CRTAM: variants seen among roughly 807,000 people sequenced by gnomAD.
CRTAM encodes cytotoxic and regulatory T cell molecule.
CRTAM carries 44 observed loss-of-function variants against 50.0 expected under a neutral mutation model. That is an observed-to-expected ratio of 0.88 (90% CI 0.69 to 1.13). CRTAM has a LOEUF of 1.13. CRTAM is among the 50% of genes most tolerant of loss of function. CRTAM has a pLI of 0.00. For synonymous variants in CRTAM, 159 were observed against 169.3 expected, an observed-to-expected ratio of 0.94 and a Z score of 0.47; for missense variants, 448 against 457.5, an observed-to-expected ratio of 0.98 and a Z score of 0.19.
Position 122,867,560 on chromosome 11 carries a change from G to A in CRTAM, c.964+5G>A. 6.2e-7 allele frequency: 1 copy of A among 1,611,748 alleles called. No individual in the cohort carries two copies. On this transcript the variant is annotated splice_donor_5th_base_variant and intron_variant, in intron 8 of 9. Transcript: ENST00000227348. Reference sequence around the variant, plus strand: ...CACATGTGATATGGAAGAAAGGTCAGTGGGCAGGGAACCTGACGGGGGCTA... The same window carrying A: ...CACATGTGATATGGAAGAAAGGTCAATGGGCAGGGAACCTGACGGGGGCTA...
At chr11:122,855,903 AT>A in intron 5 of CRTAM, 47 bp downstream of exon 5, 1 of 1,488,572 alleles carries the variant, frequency 6.7e-7, no homozygotes, top group Non-Finnish European at 9.3e-7. Context: ...ATTTACTTTA[AT>A]ATTACACTAT....
intron 5 of CRTAM, among the ~76,000 whole-genome samples, chr11:122,857,732 C>T (rs1443771304): frequency 1.3e-5 from 2 of 152,132 alleles, no homozygotes; most frequent in Non-Finnish European, 2.9e-5. Flanking sequence ...GGTTCTGACC[C>T]CTTTCATTCC....
intron 7 of CRTAM, among the ~76,000 whole-genome samples, chr11:122,866,159 A>G (rs1311357993): frequency 1.3e-5 from 2 of 152,158 alleles, no homozygotes; most frequent in African/African-American, 4.8e-5. Context: ...TCATATCTAC[A>G]AAGTCCTTAT....
intron 5 of CRTAM, 130 bp from the exon 6 acceptor site, chr11:122,862,334 G>A: frequency 4.4e-6 from 3 of 678,152 alleles, no homozygotes; most frequent in Non-Finnish European, 5.4e-6. Flanking sequence ...AGAACACACA[G>A]TTCTGGGGTT....
In CRTAM at chr11:122,851,266, TAA is replaced by T. The variant is rs11287824; in HGVS notation, c.194-411_194-410del. Among the ~76,000 whole-genome samples the T allele has an allele frequency of 6.3e-3, 871 of 138,592 alleles. 2 individuals are homozygous for T. The highest frequency in any genetic ancestry group is 0.012 in the African/African-American group (431 of 37,294). 90.9% of individuals were successfully genotyped at this position (138,592 alleles called of 152,430 possible). On this transcript the variant is annotated intron_variant, in intron 2 of 9. Coordinates refer to ENST00000227348, the MANE Select transcript of CRTAM (RefSeq NM_019604.4). ...GGGCAACAGAGCAAGACTCTGTCTCTAAAAAAAAAAAAAAAAAGTTATGCTTT... is the reference window on the plus strand; with the variant it reads ...GGGCAACAGAGCAAGACTCTGTCTCTAAAAAAAAAAAAAAAGTTATGCTTT...
At chr11:122,850,024 TG>T in intron 1 of CRTAM, 43 bp from the exon 2 acceptor site, 1 of 1,505,332 alleles carries the variant, frequency 6.6e-7, no homozygotes, top group Non-Finnish European at 8.9e-7. Context: ...CCTGAGACAC[TG>T]TGGACCCCCG....
chr11:122,870,856 A>C (rs553293304), intron 9 of CRTAM, among the ~76,000 whole-genome samples: 2 of 152,234 alleles, frequency 1.3e-5, no homozygotes, highest in East Asian at 1.9e-4. Context: ...AGGCGGGTGG[A>C]TCACTTGAGC....
chr11:122,843,758 A>G, intron 1 of CRTAM, among the ~76,000 whole-genome samples: 1 of 152,240 alleles, frequency 6.6e-6, no homozygotes, highest in East Asian at 1.9e-4. Context: ...AGTGGCAATG[A>G]GAAGACCCTG....
chr11:122,861,404 ATATATATATATATATATTTTTTTT>A (rs1862075067), intron 5 of CRTAM, among the ~76,000 whole-genome samples: 10 of 16,272 alleles, frequency 6.1e-4, no homozygotes, highest in Middle Eastern at 0.012. Flanking sequence ...ATATATATAT[ATATATATATATATATATTTTTTTT>A]TTTTTTTTTT....
intron 2 of CRTAM, 63 bp downstream of exon 2, chr11:122,850,277 A>T (rs2135235902): frequency 6.7e-7 from 1 of 1,489,242 alleles, no homozygotes; most frequent in Non-Finnish European, 9.1e-7. Flanking sequence ...TTCCAGCCGG[A>T]CAGTTTGGTG....
At chr11:122,850,688 C>G (rs1861919193) in intron 2 of CRTAM, among the ~76,000 whole-genome samples, 1 of 152,106 alleles carries the variant, frequency 6.6e-6, no homozygotes, top group Admixed American at 6.6e-5. Context: ...TTGGTCTTAA[C>G]ATAAAATCAA....
intron 6 of CRTAM, among the ~76,000 whole-genome samples, chr11:122,863,043 T>C (rs777261617): frequency 6.6e-6 from 1 of 152,176 alleles, no homozygotes; most frequent in Non-Finnish European, 1.5e-5. Flanking sequence ...ATAACTCAGG[T>C]CATTTTTGAT....
At chr11:122,842,946 C>G (rs1861817274) in intron 1 of CRTAM, among the ~76,000 whole-genome samples, 1 of 152,126 alleles carries the variant, frequency 6.6e-6, no homozygotes, top group East Asian at 1.9e-4. Flanking sequence ...GACAGGCTTG[C>G]TCTGCTCTGG....
intron 4 of CRTAM, among the ~76,000 whole-genome samples, chr11:122,854,941 T>G (rs1358737925): frequency 6.6e-6 from 1 of 152,150 alleles, no homozygotes; most frequent in African/African-American, 2.4e-5. Flanking sequence ...ACCTTTGATA[T>G]CTATGTAATC....
At position 122,854,018 on chromosome 11, in the gene CRTAM, G is replaced by C. The variant is rs373540538; in HGVS notation, c.422G>C (p.Cys141Ser). 9.9e-6 allele frequency: 16 copies of C among 1,613,884 alleles called. No individual in the cohort carries two copies. The African/African-American group carries it at 2.0e-4, about 20-fold the overall frequency. Residue 141 changes from cysteine (C) to serine (S), a missense_variant, in exon 4 of 10, where the codon TGC becomes TCC. By Grantham distance (112) the Cys-to-Ser change is moderately radical (BLOSUM62 -1). Coordinates refer to ENST00000227348, the MANE Select transcript of CRTAM (RefSeq NM_019604.4). ...QNGEEHVVLM[C>S]STMRSKPPPQ... is the part of the protein sequence containing the mutation. Reference sequence around the variant, plus strand: ...GGAGAAGAACATGTTGTACTCATGTGCTCCACCATGAGAAGCAAGCCCCCT... The same window carrying C: ...GGAGAAGAACATGTTGTACTCATGTCCTCCACCATGAGAAGCAAGCCCCCT...
chr11:122,871,160 T>C (rs1005609123), intron 9 of CRTAM, 109 bp from the exon 10 acceptor site: 28 of 1,038,304 alleles, frequency 2.7e-5, no homozygotes, highest in Non-Finnish European at 3.8e-5. Flanking sequence ...TAGGTTTTTA[T>C]AAAGCAATAT....
intron 9 of CRTAM, among the ~76,000 whole-genome samples, chr11:122,868,842 A>G (rs572610363): frequency 2.6e-5 from 4 of 152,202 alleles, no homozygotes; most frequent in Admixed American, 2.6e-4. Context: ...CCCTGTCTCT[A>G]CTAAAAATAC....
intron 9 of CRTAM, among the ~76,000 whole-genome samples, chr11:122,868,449 G>T (rs1487288509): frequency 6.6e-6 from 1 of 151,718 alleles, no homozygotes; most frequent in Non-Finnish European, 1.5e-5. Context: ...AGAGGAGGGA[G>T]TGTATTCCAG....
intron 1 of CRTAM, among the ~76,000 whole-genome samples, chr11:122,840,436 T>G (rs1861785132): frequency 6.6e-6 from 1 of 152,168 alleles, no homozygotes; most frequent in Non-Finnish European, 1.5e-5. Flanking sequence ...TGTGTGTGTG[T>G]GTGTACTAGT....
Sources: allele counts gnomAD v4.1 joint callset (sites outside exome capture counted in the v4.1 genomes callset), GRCh38; gene constraint gnomAD v4.1.1; transcripts MANE v1.5; gene names NCBI Gene and HGNC (gene_info 2026-07-23, HGNC 2026-07-21).